SPDYE10: variants seen among roughly 807,000 people sequenced by gnomAD.
SPDYE10 encodes the protein speedy protein E10.
At chr7:73,135,588 C>T in the SPDYE10 span, among the ~76,000 whole-genome samples, 1 of 114,708 alleles carries the variant, frequency 8.7e-6, no homozygotes, top group Admixed American at 9.2e-5. Flanking sequence ...TGCAGCGGTG[C>T]AATCTTGACT....
the SPDYE10 span, among the ~76,000 whole-genome samples, chr7:73,137,375 C>T: frequency 4.6e-5 from 7 of 150,550 alleles, no homozygotes; most frequent in Non-Finnish European, 1.0e-4. Flanking sequence ...ATTAGCCGGG[C>T]GAGGTGGCAG....
At chr7:73,150,948 A>ATATATATATAT in the SPDYE10 span, among the ~76,000 whole-genome samples, 1 of 4,940 alleles carries the variant, frequency 2.0e-4, no homozygotes, top group African/African-American at 8.9e-4. Flanking sequence ...ATATATATAT[A>ATATATATATAT]TTTTTTTTTT....
chr7:73,126,445 T>TGCA, the SPDYE10 span, among the ~76,000 whole-genome samples: 1 of 116,604 alleles, frequency 8.6e-6, no homozygotes, highest in Non-Finnish European at 1.7e-5. Context: ...AGGCAGAGGT[T>TGCA]GCAGTGAGCC....
At chr7:73,123,788 C>CCTCTCTCTCCCTCTCTCT in the SPDYE10 span, among the ~76,000 whole-genome samples, 1 of 97,460 alleles carries the variant, frequency 1.0e-5, no homozygotes, top group African/African-American at 5.1e-5. Flanking sequence ...TCTCTCTCTC[C>CCTCTCTCTCCCTCTCTCT]CTCTCTCTCT....
At chr7:73,124,934 T>TAAATAAAG in the SPDYE10 span, among the ~76,000 whole-genome samples, 2 of 144,122 alleles carry the variant, frequency 1.4e-5, no homozygotes, top group Non-Finnish European at 3.0e-5. Context: ...AATAAATAAA[T>TAAATAAAG]AAATAAAGAA....
chr7:73,113,590 A>G, the SPDYE10 span, among the ~76,000 whole-genome samples: 1 of 150,218 alleles, frequency 6.7e-6, no homozygotes, highest in Non-Finnish European at 1.5e-5. Flanking sequence ...TTCAGAGACC[A>G]TCCAAAGAAC....
chr7:73,142,729 G>A, the SPDYE10 span, among the ~76,000 whole-genome samples: 1 of 152,080 alleles, frequency 6.6e-6, no homozygotes. Flanking sequence ...TTAAGGTCAG[G>A]AGTTCGAGAC....
the SPDYE10 span, among the ~76,000 whole-genome samples, chr7:73,137,593 T>TGAAAGAAAGAAAGAAAGAAAGAAA: frequency 1.4e-4 from 10 of 70,538 alleles, no homozygotes; most frequent in Non-Finnish European, 2.0e-4. Context: ...AAAGAAGAGA[T>TGAAAGAAAGAAAGAAAGAAAGAAA]GAAAGAAAGA....
chr7:73,150,895 CA>C, the SPDYE10 span, among the ~76,000 whole-genome samples: 1 of 1,222 alleles, frequency 8.2e-4, no homozygotes, highest in Non-Finnish European at 1.3e-3. Flanking sequence ...GACCCTGTCT[CA>C]AAAAAAAAAA....
the SPDYE10 span, among the ~76,000 whole-genome samples, chr7:73,130,170 C>A: frequency 4.4e-3 from 645 of 147,928 alleles, no homozygotes; most frequent in Non-Finnish European, 6.3e-3. Flanking sequence ...ACATGACTAC[C>A]ATTTATCCAT....
the SPDYE10 span, among the ~76,000 whole-genome samples, chr7:73,128,231 G>C: frequency 2.7e-5 from 4 of 149,268 alleles, no homozygotes; most frequent in Non-Finnish European, 6.0e-5. Context: ...GCAGGTTGCA[G>C]AAGGATACAT....
the SPDYE10 span, among the ~76,000 whole-genome samples, chr7:73,147,917 CT>C: frequency 2.6e-5 from 4 of 151,224 alleles, no homozygotes; most frequent in African/African-American, 9.8e-5. Flanking sequence ...AGCGATTCTC[CT>C]GCCTCAGCCC....
At chr7:73,110,930 CTGTT>C in the SPDYE10 span, 3 of 1,446,994 alleles carry the variant, frequency 2.1e-6, no homozygotes, top group Non-Finnish European at 2.7e-6. Flanking sequence ...ACCAAGCAGC[CTGTT>C]GAAGGCCTCG....
At chr7:73,123,862 A>G in the SPDYE10 span, among the ~76,000 whole-genome samples, 4 of 139,864 alleles carry the variant, frequency 2.9e-5, no homozygotes, top group Admixed American at 7.9e-5. Flanking sequence ...TGGGCTTACT[A>G]CAACCTCTGC....
At chr7:73,116,795 G>T in the SPDYE10 span, among the ~76,000 whole-genome samples, 1 of 150,096 alleles carries the variant, frequency 6.7e-6, no homozygotes, top group Non-Finnish European at 1.5e-5. Context: ...TGCCCAGGCT[G>T]ATCTCAAGCT....
the SPDYE10 span, among the ~76,000 whole-genome samples, chr7:73,134,545 G>GAAAGA: frequency 6.6e-6 from 1 of 151,956 alleles, no homozygotes; most frequent in Non-Finnish European, 1.5e-5. Context: ...GAAAAAGAAA[G>GAAAGA]AAAGAAAGAA....
chr7:73,123,536 A>G, the SPDYE10 span, among the ~76,000 whole-genome samples: 1 of 152,190 alleles, frequency 6.6e-6, no homozygotes, highest in African/African-American at 2.4e-5. Context: ...GTGTGATCTC[A>G]GCTCACTGCA....
At chr7:73,137,923 G>A in the SPDYE10 span, among the ~76,000 whole-genome samples, 1 of 136,794 alleles carries the variant, frequency 7.3e-6, no homozygotes, top group Non-Finnish European at 1.6e-5. Flanking sequence ...AAGGGGAAGG[G>A]GAGGGGAAGG....
the SPDYE10 span, among the ~76,000 whole-genome samples, chr7:73,147,204 G>T: frequency 8.2e-6 from 1 of 122,350 alleles, no homozygotes; most frequent in African/African-American, 3.3e-5. Flanking sequence ...CACTCACTCT[G>T]TCACCCAGGC....
Sources: allele counts gnomAD v4.1 joint callset (sites outside exome capture counted in the v4.1 genomes callset), GRCh38; gene constraint gnomAD v4.1.1; transcripts MANE v1.5; gene names NCBI Gene and HGNC (gene_info 2026-07-23, HGNC 2026-07-21).